Variants in MTHFD1 observed in about 807,000 individuals in gnomAD.
MTHFD1 encodes C-1-tetrahydrofolate synthase, cytoplasmic.
In MTHFD1, 44 loss-of-function variants were observed where a neutral mutation model predicts 110.3. The ratio of observed to expected loss-of-function variants is 0.40; its 90% CI spans 0.31 to 0.51. The LOEUF is 0.51. Ranked by LOEUF, MTHFD1 falls within the 20% of genes least tolerant of loss-of-function variation. The pLI, the probability that MTHFD1 is intolerant of heterozygous loss-of-function variation, is 0.60. For missense variants in MTHFD1, 909 were observed against 1,173.1 expected (o/e 0.77, Z 3.29); for synonymous variants, 402 against 428.8 (o/e 0.94, Z 0.77).
intron 23 of MTHFD1, 80 bp downstream of exon 23, chr14:64,448,397 T>A: frequency 8.5e-7 from 1 of 1,174,696 alleles, no homozygotes; most frequent in Non-Finnish European, 1.3e-6. Flanking sequence ...TTTAGCTTTA[T>A]TTTGTTTTTC....
chr14:64,388,943 C>T (rs1001609891), intron 1 of MTHFD1: 5 of 180,682 alleles, frequency 2.8e-5, no homozygotes, highest in African/African-American at 1.2e-4. Flanking sequence ...TTATCATACG[C>T]TAAGTGAAAT....
At position 64,454,708 on chromosome 14, in the gene MTHFD1, C is replaced by T. The variant is rs545499412; in HGVS notation, c.2566-15C>T. 6.2e-7 allele frequency: 1 copy of T among 1,610,018 alleles called. No individual in the cohort carries two copies. Among genetic ancestry groups the T allele is most frequent in the Non-Finnish European group, 8.5e-7 (1 of 1,176,238 alleles). ...TCTTTTCATTTGTCCTCCCTCTCTT[C>T]CCTTCTTTCCCCAGGGCTTTGGGAA... On this transcript the variant is annotated splice_polypyrimidine_tract_variant and intron_variant, in intron 25 of 27. Coordinates refer to ENST00000652337, the MANE Select transcript of MTHFD1 (RefSeq NM_005956.4).
At chr14:64,449,378 C>T in intron 23 of MTHFD1, 67 bp from the exon 24 acceptor site, 1 of 1,574,864 alleles carries the variant, frequency 6.3e-7, no homozygotes, top group African/African-American at 1.3e-5. Flanking sequence ...GGTTTAATGG[C>T]AAAAAGAAGA....
chr14:64,424,883 T>G lies in MTHFD1; in HGVS notation c.807T>G (p.Thr269=), dbSNP rs770304975. 5 of 1,614,096 alleles carry G rather than the reference T, an allele frequency of 3.1e-6. No individual in the cohort carries two copies. In the Admixed American group the frequency reaches 8.3e-5, roughly 27 times the overall value. ...CCAAAGAGAGGGCGAGCTTCATCACTCCTGTTCCTGGCGGCGTAGGGCCCA... is the reference window on the plus strand; with the variant it reads ...CCAAAGAGAGGGCGAGCTTCATCACGCCTGTTCCTGGCGGCGTAGGGCCCA... ...DEAKERASFI[T]PVPGGVGPMT... Residue 269 remains threonine, a synonymous_variant, in exon 9 of 28, where the codon ACT becomes ACG. Transcript: ENST00000652337.
intron 17 of MTHFD1, among the ~76,000 whole-genome samples, chr14:64,439,529 A>T (rs1476328584): frequency 6.6e-6 from 1 of 152,230 alleles, no homozygotes; most frequent in Non-Finnish European, 1.5e-5. Flanking sequence ...AAGAAACAAT[A>T]AGCGCATGAT....
chr14:64,443,499 TA>T (rs2140976820), intron 21 of MTHFD1, among the ~76,000 whole-genome samples: 1 of 152,262 alleles, frequency 6.6e-6, no homozygotes, highest in East Asian at 1.9e-4. Flanking sequence ...ATAATGAGAG[TA>T]AAAGGGCCAT....
At chr14:64,443,825 T>C (rs2078267123) in intron 21 of MTHFD1, among the ~76,000 whole-genome samples, 1 of 152,180 alleles carries the variant, frequency 6.6e-6, no homozygotes, top group South Asian at 2.1e-4. Context: ...CATAATGCTG[T>C]GCATGGAGGG....
At chr14:64,406,011 G>GTATA (rs771415925) in intron 2 of MTHFD1, among the ~76,000 whole-genome samples, 6 of 147,320 alleles carry the variant, frequency 4.1e-5, no homozygotes, top group African/African-American at 1.5e-4. Context: ...GTGTGTGTGT[G>GTATA]TATATATATA....
At chr14:64,412,755 AG>A (rs1427507595) in intron 4 of MTHFD1, among the ~76,000 whole-genome samples, 1 of 149,670 alleles carries the variant, frequency 6.7e-6, no homozygotes, top group Non-Finnish European at 1.5e-5. Flanking sequence ...CTCCTGCCTC[AG>A]CCTCCCGAGT....
chr14:64,406,049 T>TA (rs1284816504), intron 2 of MTHFD1, among the ~76,000 whole-genome samples: 2 of 149,906 alleles, frequency 1.3e-5, no homozygotes, highest in Admixed American at 1.3e-4. Flanking sequence ...TTATTATTAT[T>TA]TTTTTTGAGA....
rs370632625 is a variant in MTHFD1, at chr14:64,435,675, C to T, written c.1597+4C>T. On this transcript the variant is annotated splice_donor_region_variant and intron_variant, in intron 16 of 27. Coordinates refer to ENST00000652337, the MANE Select transcript of MTHFD1 (RefSeq NM_005956.4). Reference sequence around the variant, plus strand: ...GAAACCATAACTTGGCAAAGAGGTACCAGAGCAGTATACAAGCCCCGTTTG... The same window carrying T: ...GAAACCATAACTTGGCAAAGAGGTATCAGAGCAGTATACAAGCCCCGTTTG... The T allele has an allele frequency of 7.0e-6, 11 of 1,566,974 alleles. No individual in the cohort carries two copies. The African/African-American group carries it at 1.2e-4, about 17-fold the overall frequency.
At chr14:64,398,060 G>C (rs940204954) in intron 1 of MTHFD1, among the ~76,000 whole-genome samples, 1 of 152,086 alleles carries the variant, frequency 6.6e-6, no homozygotes, top group Non-Finnish European at 1.5e-5. Flanking sequence ...TGTCATTCAG[G>C]GGAGCAGCTA....
In MTHFD1 at chr14:64,459,995, C is replaced by T. The variant is rs1229018730; in HGVS notation, c.*241C>T. On this transcript the variant is annotated 3_prime_UTR_variant, in exon 28 of 28. Coordinates refer to ENST00000652337, the MANE Select transcript of MTHFD1 (RefSeq NM_005956.4). ...TGACGTTCCACAGAATAAAAGGAAA[C>T]AAGTTTGCCATCTTGGTGTTGCAAT... is the stretch of plus-strand genomic sequence containing the variant. The T allele has an allele frequency of 2.2e-6, 3 of 1,384,962 alleles. No homozygotes were observed. In the South Asian group the frequency reaches 3.9e-5, roughly 18 times the overall value. 85.8% of individuals were successfully genotyped at this position (1,384,962 alleles called of 1,614,324 possible). A position where few individuals can be genotyped will look rare whatever the true frequency, so the allele number is the denominator to read the frequency against.
chr14:64,423,944 G>C (rs935078221), intron 8 of MTHFD1, among the ~76,000 whole-genome samples: 1 of 150,628 alleles, frequency 6.6e-6, no homozygotes, highest in African/African-American at 2.4e-5. Flanking sequence ...AGCCAGGATG[G>C]TCTTGATCTC....
In MTHFD1 at chr14:64,408,026, T is replaced by C. The variant is rs576586724; in HGVS notation, c.127-3064T>C. ...AACCAGTAGACCAATACCCAAGATA[T>C]CTTACGGTGTAGAACACAGATTAGT... On this transcript the variant is annotated intron_variant, in intron 2 of 27. Transcript: ENST00000652337. 1.2e-4 allele frequency among the ~76,000 whole-genome samples: 11 copies of C among 94,470 alleles called. No homozygotes were observed. In the South Asian group the frequency reaches 2.4e-3, roughly 21 times the overall value. The allele number at this position is 94,470 out of a possible 152,430, so 62.0% of individuals were successfully genotyped here.
intron 22 of MTHFD1, among the ~76,000 whole-genome samples, chr14:64,445,771 C>G (rs2078285302): frequency 6.6e-6 from 1 of 152,240 alleles, no homozygotes; most frequent in African/African-American, 2.4e-5. Context: ...ATTACAGTGA[C>G]TGCCCCTAGC....
rs367928032 is a variant in MTHFD1 at position 64,393,084 on chromosome 14, T to C, written c.41+4616T>C. On this transcript the variant is annotated intron_variant, in intron 1 of 27. Coordinates refer to ENST00000652337, the MANE Select transcript of MTHFD1 (RefSeq NM_005956.4). ...TACTTTGTCCTGTAGATTAAATACA[T>C]GTAGGCCCTTTTGTGCTTAAAAAGA... Among the ~76,000 whole-genome samples, 68 of 152,314 alleles carry C rather than the reference T, an allele frequency of 4.5e-4. 2 individuals carry two copies. In the South Asian group the frequency reaches 0.013, roughly 30 times the overall value.
In MTHFD1 at chr14:64,442,259, A is replaced by G. The variant is rs2078255263; in HGVS notation, c.1997-4A>G. The G allele has an allele frequency of 1.9e-6, 3 of 1,614,228 alleles. No homozygotes were observed. Among genetic ancestry groups the G allele is most frequent in the Non-Finnish European group, 2.5e-6 (3 of 1,180,038 alleles). On this transcript the variant is annotated splice_region_variant and splice_polypyrimidine_tract_variant and intron_variant, in intron 20 of 27. Coordinates refer to ENST00000652337, the MANE Select transcript of MTHFD1 (RefSeq NM_005956.4). ...CATTTTTACTGTTGCTTTCCTCTTTACAGTGACGGAAGCAGGATTTGGAGC... is the reference window on the plus strand; with the variant it reads ...CATTTTTACTGTTGCTTTCCTCTTTGCAGTGACGGAAGCAGGATTTGGAGC...
intron 16 of MTHFD1, among the ~76,000 whole-genome samples, chr14:64,437,674 T>C (rs1179566183): frequency 6.6e-6 from 1 of 152,184 alleles, no homozygotes; most frequent in Non-Finnish European, 1.5e-5. Flanking sequence ...GGTTATAAAC[T>C]GGAGGGTCCC....
Sources: allele counts gnomAD v4.1 joint callset (sites outside exome capture counted in the v4.1 genomes callset), GRCh38; gene constraint gnomAD v4.1.1; transcripts MANE v1.5; gene names NCBI Gene and HGNC (gene_info 2026-07-23, HGNC 2026-07-21).